Variants in DNM3 observed in about 807,000 individuals in gnomAD.
The protein encoded by DNM3 is dynamin 3.
A neutral mutation model predicts 101.6 loss-of-function variants in DNM3; 47 were observed. The observed-to-expected ratio is 0.46, with a 90% confidence interval of 0.37 to 0.59. The LOEUF (loss-of-function observed/expected upper bound fraction) is 0.59. DNM3 is among the 20% of genes least tolerant of loss of function. DNM3 has a pLI of 0.00. For missense variants in DNM3, 849 were observed against 1,085.7 expected, an observed-to-expected ratio of 0.78 and a Z score of 3.06; for synonymous variants, 385 against 387.9, an observed-to-expected ratio of 0.99 and a Z score of 0.09.
intron 14 of DNM3, among the ~76,000 whole-genome samples, chr1:172,236,420 C>A (rs2061548518): frequency 6.6e-6 from 1 of 152,150 alleles, no homozygotes; most frequent in East Asian, 1.9e-4. Flanking sequence ...CAGGATAGCT[C>A]TGACCACTTC....
At chr1:172,055,165 C>G (rs377226030) in intron 10 of DNM3, among the ~76,000 whole-genome samples, 6 of 152,062 alleles carry the variant, frequency 3.9e-5, no homozygotes, top group African/African-American at 1.2e-4. Context: ...CATCTCTAAA[C>G]TCATCTTCTC....
At chr1:172,078,522 T>C (rs145558691) in intron 11 of DNM3, among the ~76,000 whole-genome samples, 5,594 of 152,098 alleles carry the variant, frequency 0.037, 240 homozygotes, top group East Asian at 0.14. Flanking sequence ...TGTCTTTGCA[T>C]ATGAGATGGG....
chr1:171,904,352 C>T (rs1456831299), intron 1 of DNM3, among the ~76,000 whole-genome samples: 1 of 152,078 alleles, frequency 6.6e-6, no homozygotes, highest in Non-Finnish European at 1.5e-5. Flanking sequence ...GAAAATGCAA[C>T]TTTATTGTTT....
intron 4 of DNM3, among the ~76,000 whole-genome samples, chr1:172,022,835 A>T (rs537147213): frequency 6.6e-6 from 1 of 152,180 alleles, no homozygotes; most frequent in East Asian, 1.9e-4. Context: ...CTTCTCCTAT[A>T]CTTATGTATA....
chr1:171,935,248 A>G (rs1020525875), intron 2 of DNM3, among the ~76,000 whole-genome samples: 9 of 152,144 alleles, frequency 5.9e-5, no homozygotes, highest in Non-Finnish European at 1.3e-4. Context: ...GCTTGTCTCC[A>G]TCTGCTGTTG....
At chr1:171,846,144 T>G (rs78024102) in intron 1 of DNM3, among the ~76,000 whole-genome samples, 7 of 152,172 alleles carry the variant, frequency 4.6e-5, no homozygotes, top group African/African-American at 1.7e-4. Flanking sequence ...AACATGAACT[T>G]TTCTTCATGC....
intron 17 of DNM3, among the ~76,000 whole-genome samples, chr1:172,356,614 G>T (rs988247168): frequency 6.6e-6 from 1 of 151,988 alleles, no homozygotes; most frequent in South Asian, 2.1e-4. Context: ...CCTAAGCAAG[G>T]ATTTCCAATT....
intron 1 of DNM3, among the ~76,000 whole-genome samples, chr1:171,886,293 T>A (rs974574315): frequency 5.3e-5 from 8 of 152,230 alleles, no homozygotes; most frequent in Admixed American, 5.2e-4. Flanking sequence ...AGATAGTAGA[T>A]CCAGTCAGTA....
intron 17 of DNM3, among the ~76,000 whole-genome samples, chr1:172,354,809 C>T (rs1181204756): frequency 6.6e-6 from 1 of 151,980 alleles, no homozygotes; most frequent in Non-Finnish European, 1.5e-5. Flanking sequence ...TTTGGATGTA[C>T]TTAGACATAT....
intron 1 of DNM3, among the ~76,000 whole-genome samples, chr1:171,854,725 C>T (rs1295101888): frequency 6.6e-6 from 1 of 151,926 alleles, no homozygotes; most frequent in African/African-American, 2.4e-5. Context: ...TACAGGCCCC[C>T]ACCAGCATGC....
intron 15 of DNM3, among the ~76,000 whole-genome samples, chr1:172,300,516 A>G (rs910771432): frequency 6.6e-6 from 1 of 152,148 alleles, no homozygotes; most frequent in Non-Finnish European, 1.5e-5. Context: ...TTCCCCACCT[A>G]CAACCATCTG....
chr1:172,411,938 C>A lies in DNM3; in HGVS notation c.*4097C>A, dbSNP rs1337356164. 1.0e-6 allele frequency: 1 copy of A among 985,636 alleles called. No individual in the cohort carries two copies. Among genetic ancestry groups the A allele is most frequent in the East Asian group, 1.1e-4 (1 of 8,836 alleles). 61.1% of individuals were successfully genotyped at this position (985,636 alleles called of 1,614,324 possible). A position where few individuals can be genotyped will look rare whatever the true frequency, so the allele number is the denominator to read the frequency against. On this transcript the variant is annotated 3_prime_UTR_variant, in exon 21 of 21. Transcript: ENST00000627582. ...AAAGCTCAAATGAGTCTTCTAGATA[C>A]TCTTACTCATCCTGTCTGGTTGCTA...
At chr1:171,997,509 C>A (rs1041008239) in intron 4 of DNM3, among the ~76,000 whole-genome samples, 2 of 151,930 alleles carry the variant, frequency 1.3e-5, no homozygotes, top group African/African-American at 2.4e-5. Context: ...ATAGAGAGAG[C>A]GTTCAGTGCT....
intron 13 of DNM3, among the ~76,000 whole-genome samples, chr1:172,130,380 G>A (rs918881383): frequency 7.3e-5 from 11 of 151,684 alleles, no homozygotes; most frequent in African/African-American, 2.7e-4. Flanking sequence ...ATAACTCTGA[G>A]GGGAAAAAAA....
chr1:172,276,497 T>C (rs1341814420), intron 15 of DNM3, among the ~76,000 whole-genome samples: 1 of 151,878 alleles, frequency 6.6e-6, no homozygotes, highest in Non-Finnish European at 1.5e-5. Flanking sequence ...AATTGTGTTA[T>C]AATTCTTTTA....
At chr1:172,133,938 G>T (rs2057080396) in intron 14 of DNM3, among the ~76,000 whole-genome samples, 1 of 152,184 alleles carries the variant, frequency 6.6e-6, no homozygotes, top group Admixed American at 6.5e-5. Context: ...TTATTACAAG[G>T]ATAACTGAAA....
At chr1:172,191,953 C>T (rs1217511929) in intron 14 of DNM3, among the ~76,000 whole-genome samples, 1 of 150,862 alleles carries the variant, frequency 6.6e-6, no homozygotes, top group Non-Finnish European at 1.5e-5. Context: ...ACCATCATGT[C>T]ATCTGCACTT....
chr1:171,981,074 G>A (rs1291011300), intron 2 of DNM3, among the ~76,000 whole-genome samples: 1 of 152,080 alleles, frequency 6.6e-6, no homozygotes, highest in Non-Finnish European at 1.5e-5. Flanking sequence ...GCCTACAGAT[G>A]TTCTTTACTC....
intron 20 of DNM3, chr1:172,389,020 T>A (rs991070401): frequency 2.3e-5 from 14 of 596,420 alleles, no homozygotes; most frequent in Non-Finnish European, 4.2e-5. Flanking sequence ...ATTTATCAAT[T>A]GGCACAGACT....
Sources: allele counts gnomAD v4.1 joint callset (sites outside exome capture counted in the v4.1 genomes callset), GRCh38; gene constraint gnomAD v4.1.1; transcripts MANE v1.5; gene names NCBI Gene and HGNC (gene_info 2026-07-23, HGNC 2026-07-21).